The following KMT2E variants were observed in gnomAD, a reference collection of about 807,000 sequenced individuals.
The protein encoded by KMT2E is lysine methyltransferase 2E (inactive), also known as histone reader KMT2E.
A neutral mutation model predicts 184.6 loss-of-function variants in KMT2E; 30 were observed. That is an observed-to-expected ratio of 0.16 (90% CI 0.12 to 0.22). The LOEUF (loss-of-function observed/expected upper bound fraction) is 0.22, where lower values mean the gene tolerates loss of function less well. Ranked by LOEUF, KMT2E falls within the 10% of genes least tolerant of loss-of-function variation. The pLI is 1.00. For missense variants in KMT2E, 2,023 were observed against 2,237.4 expected, an observed-to-expected ratio of 0.90 and a Z score of 1.93; for synonymous variants, 815 against 776.5, an observed-to-expected ratio of 1.05 and a Z score of -0.82.
chr7:105,030,761 AG>A (rs1483938981), intron 1 of KMT2E, among the ~76,000 whole-genome samples: 7 of 152,330 alleles, frequency 4.6e-5, no homozygotes, highest in African/African-American at 1.4e-4. Flanking sequence ...GTATATGAAA[AG>A]TAACAGTTGT....
intron 12 of KMT2E, among the ~76,000 whole-genome samples, chr7:105,081,154 G>A (rs763450167): frequency 1.1e-4 from 17 of 152,096 alleles, no homozygotes; most frequent in Admixed American, 2.0e-4. Flanking sequence ...GGCCGAGGCC[G>A]GCACATCATG....
Position 105,048,300 on chromosome 7 carries a change from G to A in KMT2E, c.71+7277G>A, listed in dbSNP as rs111861770. 3.2e-3 allele frequency among the ~76,000 whole-genome samples: 492 copies of A among 152,152 alleles called. 2 individuals carry two copies. Among genetic ancestry groups the A allele is most frequent in the African/African-American group, 0.011 (472 of 41,490 alleles). On this transcript the variant is annotated intron_variant, in intron 3 of 26. Transcript: ENST00000311117. ...GATCTGTCTGCCTTGGCCTCCCAAC[G>A]TGCTGAGATTATAGGCATGAGCCCC...
chr7:105,040,643 C>T (rs1584714104), intron 2 of KMT2E, among the ~76,000 whole-genome samples, 196 bp from the exon 3 acceptor site: 1 of 152,120 alleles, frequency 6.6e-6, no homozygotes, highest in Non-Finnish European at 1.5e-5. Context: ...TAAATTCATT[C>T]CCTCAGAAAG....
chr7:105,063,006 T>C lies in KMT2E; in HGVS notation c.187-345T>C, dbSNP rs545289021. 5.4e-3 allele frequency among the ~76,000 whole-genome samples: 824 copies of C among 151,780 alleles called. 5 individuals carry two copies. The highest frequency in any genetic ancestry group is 0.014 in the African/African-American group (596 of 41,504). On this transcript the variant is annotated intron_variant, in intron 4 of 26. Transcript: ENST00000311117. ...GATGTGTGTTTTTCTTTTTCTTTTT[T>C]TTTTTTTTAACACTTCTATTCTCAC...
intron 13 of KMT2E, among the ~76,000 whole-genome samples, chr7:105,087,286 TATA>T (rs1010977152): frequency 2.0e-5 from 3 of 146,660 alleles, no homozygotes; most frequent in South Asian, 2.1e-4. Flanking sequence ...ATAAATATGA[TATA>T]ATATATATAA....
chr7:105,113,439 A>G lies in KMT2E; in HGVS notation c.*106A>G, dbSNP rs1799424576. ...AAGCTTGTACATGAACCTTTGTATA[A>G]AAAACACCAGTGCTCTTTCGTTGTA... On this transcript the variant is annotated 3_prime_UTR_variant, in exon 27 of 27. Transcript: ENST00000311117. 1.6e-6 allele frequency: 2 copies of G among 1,216,148 alleles called. No individual in the cohort carries two copies. The highest frequency in any genetic ancestry group is 3.1e-5 in the Admixed American group (1 of 32,562). 75.3% of individuals were successfully genotyped at this position (1,216,148 alleles called of 1,614,324 possible).
intron 3 of KMT2E, among the ~76,000 whole-genome samples, chr7:105,061,472 G>A (rs910205511): frequency 4.6e-5 from 7 of 152,174 alleles, no homozygotes; most frequent in Non-Finnish European, 1.0e-4. Flanking sequence ...AATTAACCAA[G>A]TAGAGCTCAG....
At chr7:105,090,789 G>A (rs1017674759) in intron 14 of KMT2E, among the ~76,000 whole-genome samples, 2 of 152,118 alleles carry the variant, frequency 1.3e-5, no homozygotes, top group African/African-American at 4.8e-5. Flanking sequence ...CAAAAAACAG[G>A]AGGGATCATT....
chr7:105,108,045 A>G, intron 22 of KMT2E, 120 bp downstream of exon 22: 1 of 643,092 alleles, frequency 1.6e-6, no homozygotes, highest in South Asian at 4.0e-5. Flanking sequence ...TTAAAGTTAC[A>G]TTTTTAATAT....
chr7:105,065,953 A>G (rs1333306453), intron 5 of KMT2E, among the ~76,000 whole-genome samples: 1 of 152,222 alleles, frequency 6.6e-6, no homozygotes, highest in Non-Finnish European at 1.5e-5. Context: ...TGGTCCATGT[A>G]TTCTATTAAA....
At chr7:105,105,731 C>G (rs1798870988) in intron 18 of KMT2E, 38 bp downstream of exon 18, 7 of 1,579,174 alleles carry the variant, frequency 4.4e-6, no homozygotes, top group African/African-American at 4.1e-5. Context: ...TAGAATGAGC[C>G]AAATGCCAAC....
chr7:105,112,803 C>G lies in KMT2E; in HGVS notation c.5047C>G (p.Pro1683Ala), dbSNP rs772907614. The G allele has an allele frequency of 1.9e-6, 3 of 1,599,888 alleles. No homozygotes were observed. Among genetic ancestry groups the G allele is most frequent in the Admixed American group, 1.7e-5 (1 of 58,974 alleles). ...AGHHLPPPPP[P>A]PGPAPHHHPP... ...ACACCACTTACCCCCACCCCCACCC[C>G]CTCCTGGTCCTGCCCCTCATCACCA... Residue 1683 changes from proline to alanine, a missense_variant, in exon 27 of 27, where the codon CCT (proline) becomes GCT (alanine). Physicochemically the swap from Pro to Ala is conservative, Grantham distance 27. Transcript: ENST00000311117.
rs769578219 is a variant in KMT2E at position 105,107,381 on chromosome 7, C to T, written c.2924C>T (p.Thr975Ile). 5.0e-6 allele frequency: 8 copies of T among 1,591,114 alleles called. No individual in the cohort carries two copies. The highest frequency in any genetic ancestry group is 3.4e-5 in the South Asian group (3 of 87,088). The change falls in exon 22 of 27, where the codon ACC (threonine) becomes ATC (isoleucine). Residue 975 changes from threonine to isoleucine, a missense_variant. By Grantham distance (89) the Thr-to-Ile change is moderately conservative. Coordinates refer to ENST00000311117, the MANE Select transcript of KMT2E (RefSeq NM_182931.3). ...AAACAGGGATATGACAGATCTTCAA[C>T]CATGTTAACATTGGGGCCTTTTAGA... ...YSQEGYDRSSTMLTLGPFRNS... is the reference protein window; with the variant it reads ...YSQEGYDRSSIMLTLGPFRNS...
Position 105,077,421 on chromosome 7 carries a change from A to G in KMT2E, c.1118A>G (p.Tyr373Cys), listed in dbSNP as rs1797575340. 1.9e-6 allele frequency: 3 copies of G among 1,604,538 alleles called. No individual in the cohort carries two copies. Among genetic ancestry groups the G allele is most frequent in the African/African-American group, 1.3e-5 (1 of 74,618 alleles). The part of the protein sequence containing the change: ...MLREQFEANG[Y>C]FFKRPYPFVL... ...AGAGAACAGTTTGAAGCAAATGGGT[A>G]TTTCTTTAAAAGGTATATTCATTTA... is the stretch of plus-strand genomic sequence containing the variant. The change falls in exon 11 of 27, where the codon TAT (tyrosine) becomes TGT (cysteine). Residue 373 changes from tyrosine to cysteine, a missense_variant. By Grantham distance (194) the Tyr-to-Cys change is radical. Transcript: ENST00000311117.
At chr7:105,106,841 T>C (rs891923015) in intron 20 of KMT2E, 69 bp downstream of exon 20, 1 of 1,458,612 alleles carries the variant, frequency 6.9e-7, no homozygotes, top group African/African-American at 1.4e-5. Context: ...AAGAGCTCTT[T>C]CCCCTCCTTT....
rs187354352 is a variant in KMT2E, at chr7:105,063,518, A to G, written c.354A>G (p.Val118=). ...TSEDGSYGTD[V]TRCICGFTHD... is the part of the protein sequence containing the mutation. ...AGGATGGAAGTTATGGTACTGATGT[A>G]ACCAGGTGCATATGTGGTTTTACAC... The change falls in exon 5 of 27, where the codon GTA becomes GTG. Residue 118 remains valine (V), a synonymous_variant. Transcript: ENST00000311117. 6.2e-7 allele frequency: 1 copy of G among 1,613,348 alleles called. No individual in the cohort carries two copies. The highest frequency in any genetic ancestry group is 1.3e-5 in the African/African-American group (1 of 75,032).
At chr7:105,073,211 C>T (rs1379347709) in intron 6 of KMT2E, among the ~76,000 whole-genome samples, 1 of 151,554 alleles carries the variant, frequency 6.6e-6, no homozygotes, top group Non-Finnish European at 1.5e-5. Flanking sequence ...AGTTCAAGAC[C>T]AGCCTGGGTA....
At chr7:105,064,946 T>C (rs1173465176) in intron 5 of KMT2E, among the ~76,000 whole-genome samples, 1 of 152,180 alleles carries the variant, frequency 6.6e-6, no homozygotes, top group African/African-American at 2.4e-5. Flanking sequence ...TCTTTTGATA[T>C]AACGGCGATG....
intron 13 of KMT2E, among the ~76,000 whole-genome samples, chr7:105,082,030 A>AATGTAAATGTTC (rs1162684510): frequency 6.6e-6 from 1 of 152,230 alleles, no homozygotes; most frequent in African/African-American, 2.4e-5. Context: ...CAGTAATTAT[A>AATGTAAATGTTC]ACAAGTAACC....
Sources: allele counts gnomAD v4.1 joint callset (sites outside exome capture counted in the v4.1 genomes callset), GRCh38; gene constraint gnomAD v4.1.1; transcripts MANE v1.5; gene names NCBI Gene and HGNC (gene_info 2026-07-23, HGNC 2026-07-21).